The following PDGFD variants were observed in gnomAD, a reference collection of about 807,000 sequenced individuals.
PDGFD encodes the protein platelet-derived growth factor D.
In PDGFD, 30 loss-of-function variants were observed where a neutral mutation model predicts 44.7. The observed-to-expected ratio is 0.67, with a 90% confidence interval of 0.50 to 0.91. PDGFD has a LOEUF of 0.91. PDGFD is among the 40% of genes least tolerant of loss of function. PDGFD has a pLI of 0.00. For synonymous variants in PDGFD, 173 were observed against 168.4 expected (o/e 1.03, Z -0.21); for missense variants, 445 against 457.8 (o/e 0.97, Z 0.25).
intron 1 of PDGFD, among the ~76,000 whole-genome samples, chr11:104,113,448 T>A (rs1861590073): frequency 1.3e-5 from 2 of 152,154 alleles, no homozygotes; most frequent in South Asian, 4.1e-4. Context: ...AAACAGCTCA[T>A]TTCTTTTCAG....
At chr11:103,951,947 T>C (rs1035079672) in intron 3 of PDGFD, among the ~76,000 whole-genome samples, 10 of 152,232 alleles carry the variant, frequency 6.6e-5, no homozygotes, top group African/African-American at 2.2e-4. Flanking sequence ...CTTTACTCTA[T>C]TCCAAGTTTC....
At chr11:104,122,463 A>G (rs901254521) in intron 1 of PDGFD, among the ~76,000 whole-genome samples, 1 of 152,020 alleles carries the variant, frequency 6.6e-6, no homozygotes, top group African/African-American at 2.4e-5. Flanking sequence ...CAAATCAGAC[A>G]CTGCCTCCTC....
intron 1 of PDGFD, among the ~76,000 whole-genome samples, chr11:104,148,413 G>A (rs951704539): frequency 1.3e-5 from 2 of 152,042 alleles, no homozygotes; most frequent in African/African-American, 4.8e-5. Context: ...TTAGCCACAT[G>A]TGGCTATCAA....
At chr11:103,970,196 G>T (rs949973112) in intron 3 of PDGFD, among the ~76,000 whole-genome samples, 1 of 152,032 alleles carries the variant, frequency 6.6e-6, no homozygotes, top group African/African-American at 2.4e-5. Context: ...TCTTTGAGTT[G>T]AGAGAACATA....
At chr11:103,976,147 C>T (rs1289514554) in intron 3 of PDGFD, among the ~76,000 whole-genome samples, 1 of 151,948 alleles carries the variant, frequency 6.6e-6, no homozygotes, top group African/African-American at 2.4e-5. Flanking sequence ...GTTTTTCCAT[C>T]TGTTTGTGTC....
chr11:103,970,964 T>C (rs1051730220), intron 3 of PDGFD, among the ~76,000 whole-genome samples: 8 of 152,156 alleles, frequency 5.3e-5, no homozygotes, highest in African/African-American at 1.7e-4. Context: ...TATTCAAAGA[T>C]ATACCTCTGG....
At chr11:104,140,228 A>G (rs1289765857) in intron 1 of PDGFD, among the ~76,000 whole-genome samples, 1 of 152,212 alleles carries the variant, frequency 6.6e-6, no homozygotes, top group East Asian at 1.9e-4. Flanking sequence ...TATAATGCCA[A>G]TTAGCATTTT....
At chr11:104,014,647 G>A (rs974902557) in intron 1 of PDGFD, among the ~76,000 whole-genome samples, 1 of 152,086 alleles carries the variant, frequency 6.6e-6, no homozygotes, top group African/African-American at 2.4e-5. Flanking sequence ...GAGAAAGATG[G>A]GATTGTGTGT....
intron 1 of PDGFD, among the ~76,000 whole-genome samples, chr11:104,001,168 A>C (rs1228330623): frequency 6.6e-6 from 1 of 152,166 alleles, no homozygotes; most frequent in African/African-American, 2.4e-5. Flanking sequence ...GATTGAGTCC[A>C]CTCATGTTGA....
chr11:104,080,605 G>T (rs1005507237), intron 1 of PDGFD, among the ~76,000 whole-genome samples: 3 of 152,166 alleles, frequency 2.0e-5, no homozygotes, highest in Admixed American at 6.5e-5. Context: ...TCTGGCGTAT[G>T]TTGGAGGAGC....
intron 3 of PDGFD, among the ~76,000 whole-genome samples, chr11:103,972,356 G>C (rs1487139079): frequency 6.6e-6 from 1 of 152,130 alleles, no homozygotes; most frequent in Non-Finnish European, 1.5e-5. Context: ...TGCGGGGTAT[G>C]CCAAACCACC....
At chr11:103,932,168 A>G (rs1591082036) in intron 5 of PDGFD, among the ~76,000 whole-genome samples, 1 of 151,414 alleles carries the variant, frequency 6.6e-6, no homozygotes, top group East Asian at 1.9e-4. Context: ...AGTCCAACTT[A>G]CAATGGTTCA....
At chr11:104,074,397 G>T (rs1206772575) in intron 1 of PDGFD, among the ~76,000 whole-genome samples, 5 of 152,188 alleles carry the variant, frequency 3.3e-5, no homozygotes, top group African/African-American at 1.2e-4. Flanking sequence ...TTTTCTTTAA[G>T]TTGGAACATC....
At chr11:103,986,478 C>T (rs976582482) in intron 3 of PDGFD, among the ~76,000 whole-genome samples, 1 of 152,170 alleles carries the variant, frequency 6.6e-6, no homozygotes, top group East Asian at 1.9e-4. Flanking sequence ...CATATTACTG[C>T]CCCAGCCCAC....
At chr11:104,154,190 AT>A (rs1401573578) in intron 1 of PDGFD, among the ~76,000 whole-genome samples, 2 of 152,184 alleles carry the variant, frequency 1.3e-5, no homozygotes, top group Non-Finnish European at 2.9e-5. Flanking sequence ...TATTAACACC[AT>A]CCCCCATTAC....
intron 1 of PDGFD, among the ~76,000 whole-genome samples, chr11:104,031,859 T>C (rs1860130986): frequency 1.3e-5 from 2 of 152,116 alleles, no homozygotes; most frequent in African/African-American, 2.4e-5. Context: ...TGGATGAATA[T>C]GGAAGCCATT....
At chr11:104,161,943 C>T (rs368142757) in intron 1 of PDGFD, among the ~76,000 whole-genome samples, 2 of 96,738 alleles carry the variant, frequency 2.1e-5, no homozygotes, top group Non-Finnish European at 4.1e-5. Context: ...CAGAACTAAT[C>T]AAAGAGAGTG....
intron 1 of PDGFD, among the ~76,000 whole-genome samples, chr11:104,043,578 A>C (rs577549348): frequency 4.6e-5 from 7 of 152,266 alleles, no homozygotes; most frequent in African/African-American, 1.4e-4. Flanking sequence ...TGTGGCTATA[A>C]AGGAATACCT....
intron 1 of PDGFD, among the ~76,000 whole-genome samples, chr11:104,103,236 G>C (rs1279853162): frequency 1.3e-5 from 2 of 151,828 alleles, no homozygotes; most frequent in Non-Finnish European, 2.9e-5. Flanking sequence ...GAAGTACTGA[G>C]GTGAGTTCTG....
Sources: gnomAD v4.1 joint callset for allele counts (sites outside exome capture counted in the v4.1 genomes callset) on GRCh38, gnomAD v4.1.1 for gene constraint, MANE v1.5 for transcripts, NCBI Gene and HGNC (gene_info 2026-07-23, HGNC 2026-07-21) for gene names.